STXBP5L: variants seen among roughly 807,000 people sequenced by gnomAD.
STXBP5L encodes syntaxin binding protein 5L.
A neutral mutation model predicts 144.5 loss-of-function variants in STXBP5L; 65 were observed. That is an observed-to-expected ratio of 0.45 (90% CI 0.37 to 0.55). The LOEUF is 0.55. Ranked by LOEUF, STXBP5L falls within the 20% of genes least tolerant of loss-of-function variation. The probability of loss-of-function intolerance (pLI) is 0.00; values close to 1 mark genes in which losing one functional copy is unlikely to be tolerated. For missense variants in STXBP5L, 1,298 were observed against 1,405.5 expected (o/e 0.92, Z 1.22); for synonymous variants, 505 against 469.6 (o/e 1.08, Z -0.97).
intron 3 of STXBP5L, among the ~76,000 whole-genome samples, chr3:120,967,099 C>G (rs1216730720): frequency 6.6e-6 from 1 of 152,082 alleles, no homozygotes; most frequent in African/African-American, 2.4e-5. Flanking sequence ...GTGGGACCCA[C>G]TGAGCCAGGC....
At chr3:121,347,808 G>T (rs910047889) in intron 20 of STXBP5L, among the ~76,000 whole-genome samples, 9 of 152,128 alleles carry the variant, frequency 5.9e-5, no homozygotes, top group African/African-American at 2.2e-4. Flanking sequence ...CATTGATTTT[G>T]TATCCTGAGA....
At chr3:121,367,592 CTTGT>C (rs2045897754) in intron 20 of STXBP5L, among the ~76,000 whole-genome samples, 1 of 59,138 alleles carries the variant, frequency 1.7e-5, no homozygotes, top group South Asian at 5.5e-4. Context: ...GTCTTCGACT[CTTGT>C]TTTTTTTTTT....
intron 5 of STXBP5L, among the ~76,000 whole-genome samples, chr3:121,106,456 C>T (rs140949923): frequency 9.5e-4 from 145 of 152,204 alleles, no homozygotes; most frequent in African/African-American, 3.4e-3. Flanking sequence ...CATGTATTCT[C>T]ATTGTTCAGC....
chr3:121,298,905 C>CTTTTTTTTTTTACCATTGA (rs1184599894), intron 19 of STXBP5L, among the ~76,000 whole-genome samples: 8 of 152,150 alleles, frequency 5.3e-5, no homozygotes, highest in African/African-American at 1.9e-4. Context: ...AGGTAGATTT[C>CTTTTTTTTTTTACCATTGA]ATGTTGTGTG....
chr3:120,955,067 C>A, intron 3 of STXBP5L, 30 bp downstream of exon 3: 1 of 1,401,892 alleles, frequency 7.1e-7, no homozygotes, highest in Non-Finnish European at 1.0e-6. Flanking sequence ...CATTATCTGC[C>A]ACAGTAATGC....
chr3:121,300,720 AG>A (rs1390329345), intron 19 of STXBP5L, among the ~76,000 whole-genome samples: 1 of 152,172 alleles, frequency 6.6e-6, no homozygotes, highest in East Asian at 1.9e-4. Flanking sequence ...AAAGAGTAAC[AG>A]TAAACAAACA....
At chr3:121,071,896 G>T (rs1318252970) in intron 5 of STXBP5L, among the ~76,000 whole-genome samples, 2 of 152,194 alleles carry the variant, frequency 1.3e-5, no homozygotes, top group Admixed American at 1.3e-4. Flanking sequence ...TACTTTAGTA[G>T]GGGTTTACCT....
intron 7 of STXBP5L, among the ~76,000 whole-genome samples, chr3:121,132,178 C>A (rs1484313372): frequency 2.6e-5 from 4 of 152,202 alleles, no homozygotes; most frequent in African/African-American, 9.6e-5. Context: ...ATAAACACTT[C>A]TGACCCTCCC....
At chr3:121,277,861 A>G (rs2050933582) in intron 18 of STXBP5L, among the ~76,000 whole-genome samples, 1 of 151,958 alleles carries the variant, frequency 6.6e-6, no homozygotes, top group African/African-American at 2.4e-5. Context: ...CTGCAGTTTC[A>G]TTGGTAGTAG....
At chr3:121,051,349 C>G (rs1445806071) in intron 5 of STXBP5L, among the ~76,000 whole-genome samples, 20 of 152,154 alleles carry the variant, frequency 1.3e-4, no homozygotes, top group African/African-American at 4.1e-4. Flanking sequence ...AAGCTCTCCT[C>G]AGCAAATGTA....
chr3:120,947,481 A>G (rs926778513), intron 2 of STXBP5L, among the ~76,000 whole-genome samples: 2 of 151,778 alleles, frequency 1.3e-5, no homozygotes, highest in African/African-American at 4.8e-5. Flanking sequence ...CCCACCCACC[A>G]TACAATTCAC....
At chr3:121,053,704 A>G (rs1948216592) in intron 5 of STXBP5L, among the ~76,000 whole-genome samples, 1 of 152,226 alleles carries the variant, frequency 6.6e-6, no homozygotes, top group African/African-American at 2.4e-5. Context: ...TAAAGCACCA[A>G]AAGCAATGAC....
intron 7 of STXBP5L, among the ~76,000 whole-genome samples, chr3:121,142,282 G>A (rs2045540705): frequency 6.6e-6 from 1 of 151,628 alleles, no homozygotes; most frequent in Non-Finnish European, 1.5e-5. Flanking sequence ...AGAACTGAAG[G>A]GAGAAATAGA....
Position 121,317,314 on chromosome 3 carries a change from G to A in STXBP5L, c.2111-1161G>A, listed in dbSNP as rs150017238. 1.5e-3 allele frequency among the ~76,000 whole-genome samples: 234 copies of A among 152,232 alleles called. 1 individual carries two copies. The highest frequency in any genetic ancestry group is 6.8e-3 in the Middle Eastern group (2 of 294). The stretch of plus-strand genomic sequence containing the variant: ...GCAGAATAAAAAATCTGAGTTCTGT[G>A]TCCTTTTCAAGCTATGTTATTGACT... On this transcript the variant is annotated intron_variant, in intron 19 of 26. Transcript: ENST00000471454.
intron 22 of STXBP5L, among the ~76,000 whole-genome samples, chr3:121,399,312 A>G (rs2046813165): frequency 6.6e-6 from 1 of 152,088 alleles, no homozygotes; most frequent in South Asian, 2.1e-4. Context: ...ATGTTCTCCA[A>G]CCATTGCTCC....
At chr3:121,403,629 T>A (rs2046933723) in intron 22 of STXBP5L, among the ~76,000 whole-genome samples, 1 of 152,182 alleles carries the variant, frequency 6.6e-6, no homozygotes, top group Non-Finnish European at 1.5e-5. Flanking sequence ...TAAAACTTAC[T>A]TTCTATGGTA....
At chr3:121,112,967 G>C (rs1047724152) in intron 5 of STXBP5L, among the ~76,000 whole-genome samples, 2 of 151,334 alleles carry the variant, frequency 1.3e-5, no homozygotes, top group Non-Finnish European at 2.9e-5. Flanking sequence ...TACTCTTTTT[G>C]GGGGGGTTCA....
intron 3 of STXBP5L, among the ~76,000 whole-genome samples, chr3:120,981,945 G>T (rs1191196134): frequency 6.6e-6 from 1 of 152,152 alleles, no homozygotes; most frequent in African/African-American, 2.4e-5. Context: ...TGAGTTCCTT[G>T]GTTATAGATA....
chr3:121,048,124 A>G (rs184528713), intron 5 of STXBP5L, among the ~76,000 whole-genome samples: 2 of 152,284 alleles, frequency 1.3e-5, no homozygotes, highest in Admixed American at 6.5e-5. Flanking sequence ...TTGGCTGGAT[A>G]TGAAATTCTT....
Sources: allele counts gnomAD v4.1 joint callset (sites outside exome capture counted in the v4.1 genomes callset), GRCh38; gene constraint gnomAD v4.1.1; transcripts MANE v1.5; gene names NCBI Gene and HGNC (gene_info 2026-07-23, HGNC 2026-07-21).